FAAH2: variants seen among roughly 807,000 people sequenced by gnomAD.
FAAH2 encodes fatty acid amide hydrolase 2.
A neutral mutation model predicts 36.9 loss-of-function variants in FAAH2; 60 were observed. The observed-to-expected ratio is 1.63, with a 90% confidence interval of 1.32 to 2.02. The LOEUF (loss-of-function observed/expected upper bound fraction) is 2.02, where lower values mean the gene tolerates loss of function less well. Ranked by LOEUF, FAAH2 falls within the 30% of genes most tolerant of loss-of-function variation. The probability of loss-of-function intolerance (pLI) is 0.00; values close to 1 mark genes in which losing one functional copy is unlikely to be tolerated. For missense variants in FAAH2, 689 were observed against 397.5 expected (o/e 1.73, Z -6.23); for synonymous variants, 214 against 143.8 (o/e 1.49, Z -3.49).
chrX:57,254,154 A>C, the FAAH2 span, among the ~76,000 whole-genome samples: 2 of 111,351 alleles, frequency 1.8e-5, no homozygotes, highest in Non-Finnish European at 3.8e-5. Context: ...CAGACTTTAA[A>C]CCAATAAAGA....
chrX:57,405,929 T>A (rs968902970), intron 7 of FAAH2, among the ~76,000 whole-genome samples: 1 of 108,885 alleles, frequency 9.2e-6, no homozygotes, highest in Non-Finnish European at 1.9e-5. Context: ...ATATTTTCAA[T>A]TCTTTATCTG....
At chrX:57,447,112 G>T (rs2056691106) in intron 9 of FAAH2, 73 bp downstream of exon 9, 1 of 804,956 alleles carries the variant, frequency 1.2e-6, no homozygotes, top group Non-Finnish European at 1.7e-6. Context: ...TATAAATTTT[G>T]GACTAAAGGC....
intron 7 of FAAH2, chrX:57,394,190 C>T (rs1369013769): frequency 3.1e-6 from 2 of 652,082 alleles, no homozygotes; most frequent in Admixed American, 4.5e-5. Context: ...ACCTTTTATT[C>T]CAAAGGTGGG....
chrX:57,437,046 T>C (rs951037350), intron 8 of FAAH2, among the ~76,000 whole-genome samples: 2 of 111,177 alleles, frequency 1.8e-5, no homozygotes, highest in Non-Finnish European at 3.8e-5. Context: ...AACAAGTGGG[T>C]TTTATATTAG....
intron 10 of FAAH2, among the ~76,000 whole-genome samples, chrX:57,469,190 C>T (rs1223837233): frequency 8.9e-6 from 1 of 112,046 alleles, no homozygotes; most frequent in Admixed American, 9.5e-5. Flanking sequence ...ACTGCATCAA[C>T]TAACGAGCAA....
At chrX:57,460,471 C>T (rs1037788762) in intron 10 of FAAH2, among the ~76,000 whole-genome samples, 1 of 111,740 alleles carries the variant, frequency 8.9e-6, no homozygotes, top group Non-Finnish European at 1.9e-5. Flanking sequence ...CTGCAGAAAC[C>T]CTACAAGCCA....
At chrX:57,225,852 G>T in the FAAH2 span, among the ~76,000 whole-genome samples, 3 of 111,858 alleles carry the variant, frequency 2.7e-5, no homozygotes, top group East Asian at 2.8e-4. Context: ...AGATTATGCG[G>T]TTTTCCTGTT....
At chrX:57,146,317 A>G in the FAAH2 span, among the ~76,000 whole-genome samples, 1 of 110,684 alleles carries the variant, frequency 9.0e-6, no homozygotes, top group South Asian at 3.8e-4. Flanking sequence ...TATTTTATTT[A>G]CTTTGTGGCA....
chrX:57,485,202 G>A (rs1363668390), intron 10 of FAAH2, among the ~76,000 whole-genome samples: 1 of 112,007 alleles, frequency 8.9e-6, no homozygotes, highest in Non-Finnish European at 1.9e-5. Context: ...GGATTTTGTT[G>A]TGGGAGGCAT....
the FAAH2 span, among the ~76,000 whole-genome samples, chrX:57,236,220 A>G: frequency 0.078 from 8,760 of 111,934 alleles, 855 homozygotes; most frequent in African/African-American, 0.27. Flanking sequence ...TATGTATACC[A>G]CATTTTCTTT....
intron 5 of FAAH2, among the ~76,000 whole-genome samples, chrX:57,355,902 G>A (rs761427417): frequency 5.4e-5 from 6 of 110,984 alleles, no homozygotes; most frequent in Non-Finnish European, 9.5e-5. Flanking sequence ...TCAACATTGA[G>A]CATGTTAGCT....
At chrX:57,357,222 A>G (rs975188359) in intron 5 of FAAH2, among the ~76,000 whole-genome samples, 1 of 111,589 alleles carries the variant, frequency 9.0e-6, no homozygotes, top group African/African-American at 3.2e-5. Context: ...ACCTAAAACC[A>G]TGAAAACCCT....
chrX:57,169,252 G>A, the FAAH2 span, among the ~76,000 whole-genome samples: 7 of 106,309 alleles, frequency 6.6e-5, no homozygotes, highest in Non-Finnish European at 9.7e-5. Context: ...CAGTCATATC[G>A]GGAGATAGGG....
intron 2 of FAAH2, among the ~76,000 whole-genome samples, chrX:57,299,078 T>G (rs1042075481): frequency 2.1e-4 from 23 of 110,995 alleles, no homozygotes; most frequent in East Asian, 5.7e-4. Flanking sequence ...AATAGAAAAA[T>G]AGGGAATCCT....
At chrX:57,255,765 G>A in the FAAH2 span, among the ~76,000 whole-genome samples, 1 of 111,412 alleles carries the variant, frequency 9.0e-6, no homozygotes, top group Non-Finnish European at 1.9e-5. Flanking sequence ...GGGTATTGAG[G>A]GAACATATGT....
At position 57,319,038 on chromosome X, in the gene FAAH2, T is replaced by C. The variant is rs185438970; in HGVS notation, c.412+8309T>C. Among the ~76,000 whole-genome samples, 34 of 111,737 alleles carry C rather than the reference T, an allele frequency of 3.0e-4. No individual in the cohort carries two copies. The Admixed American group carries it at 3.1e-3, about 10-fold the overall frequency. The stretch of plus-strand genomic sequence containing the variant: ...ACATATCTCAAAATAATAAGAGCTA[T>C]TTATGACAAACCCACAGCCAATATC... On this transcript the variant is annotated intron_variant, in intron 3 of 10. Coordinates refer to ENST00000374900, the MANE Select transcript of FAAH2 (RefSeq NM_174912.4).
At chrX:57,259,480 C>A in the FAAH2 span, among the ~76,000 whole-genome samples, 2 of 111,852 alleles carry the variant, frequency 1.8e-5, no homozygotes, top group Non-Finnish European at 3.8e-5. Context: ...ATTTGTGGTA[C>A]AATAGATGAA....
chrX:57,304,753 A>G (rs1028368734), intron 2 of FAAH2, among the ~76,000 whole-genome samples: 2 of 111,992 alleles, frequency 1.8e-5, no homozygotes, highest in African/African-American at 6.5e-5. Flanking sequence ...TCTTGACAAT[A>G]TGACTTTGAG....
At chrX:57,380,398 G>T (rs2054811374) in intron 6 of FAAH2, among the ~76,000 whole-genome samples, 1 of 111,278 alleles carries the variant, frequency 9.0e-6, no homozygotes, top group Non-Finnish European at 1.9e-5. Flanking sequence ...AGATAACTGA[G>T]ACTCAATATA....
Sources: gnomAD v4.1 joint callset for allele counts (sites outside exome capture counted in the v4.1 genomes callset) on GRCh38, gnomAD v4.1.1 for gene constraint, MANE v1.5 for transcripts, NCBI Gene and HGNC (gene_info 2026-07-23, HGNC 2026-07-21) for gene names.